The following CCDC27 variants were observed in gnomAD, a reference collection of about 807,000 sequenced individuals.
The protein encoded by CCDC27 is coiled-coil domain containing 27.
In CCDC27, 80 loss-of-function variants were observed where a neutral mutation model predicts 80.3. That is an observed-to-expected ratio of 1.00 (90% CI 0.83 to 1.20). CCDC27 has a LOEUF of 1.20. CCDC27 is among the 50% of genes most tolerant of loss of function. The probability of loss-of-function intolerance (pLI) is 0.00; values close to 1 mark genes in which losing one functional copy is unlikely to be tolerated. For synonymous variants in CCDC27, 342 were observed against 334.3 expected, an observed-to-expected ratio of 1.02 and a Z score of -0.25; for missense variants, 815 against 809.4, an observed-to-expected ratio of 1.01 and a Z score of -0.08.
intron 6 of CCDC27, 110 bp from the exon 7 acceptor site, chr1:3,762,998 G>A: frequency 7.6e-7 from 1 of 1,324,160 alleles, no homozygotes; most frequent in Non-Finnish European, 1.0e-6. Context: ...GGACCCTGCA[G>A]CAGCCTGGAA....
Position 3,769,674 on chromosome 1 carries a change from G to T in CCDC27, c.1744-109G>T. 1.3e-6 allele frequency: 1 copy of T among 751,042 alleles called. No individual in the cohort carries two copies. Among genetic ancestry groups the T allele is most frequent in the Non-Finnish European group, 2.4e-6 (1 of 412,474 alleles). 46.5% of individuals were successfully genotyped at this position (751,042 alleles called of 1,614,324 possible). On this transcript the variant is annotated intron_variant, in intron 10 of 11. Transcript: ENST00000294600. This position sits in a 1 kb window ranked among gnomAD's most constrained non-coding sequence, Gnocchi z 4.6. ...TTCTAAAGCCATGAAAAGTGAGGGT[G>T]AGCTGTTCCTTCCTGGTACATAAAA...
chr1:3,771,356 T>C (rs1297335721), intron 11 of CCDC27, 45 bp from the exon 12 acceptor site: 1 of 1,612,198 alleles, frequency 6.2e-7, no homozygotes, highest in Non-Finnish European at 8.5e-7. Flanking sequence ...AAGGCCAAGG[T>C]GAGGAACTGG....
At position 3,766,396 on chromosome 1, in the gene CCDC27, C is replaced by T; in HGVS notation, c.1453-139C>T. The T allele has an allele frequency of 3.3e-6, 2 of 601,584 alleles. No individual in the cohort carries two copies. The highest frequency in any genetic ancestry group is 1.9e-5 in the African/African-American group (1 of 53,416). The allele number at this position is 601,584 out of a possible 1,614,324, so 37.3% of individuals were successfully genotyped here. A position where few individuals can be genotyped will look rare whatever the true frequency, so the allele number is the denominator to read the frequency against. On this transcript the variant is annotated intron_variant, in intron 8 of 11. Coordinates refer to ENST00000294600, the MANE Select transcript of CCDC27 (RefSeq NM_152492.3). The surrounding 1 kb of genome is among the most constrained non-coding windows in gnomAD (Gnocchi z 6.1). Reference sequence around the variant, plus strand: ...AATATTTTTAGTCCTTTTTCTTCTTCTCTTCTCCCTGCCTTCAATAGAAAT... The same window carrying T: ...AATATTTTTAGTCCTTTTTCTTCTTTTCTTCTCCCTGCCTTCAATAGAAAT...
chr1:3,763,839 G>A lies in CCDC27; in HGVS notation c.1452+3G>A. On this transcript the variant is annotated splice_donor_region_variant and intron_variant, in intron 8 of 11. Transcript: ENST00000294600. The surrounding 1 kb of genome is among the most constrained non-coding windows in gnomAD (Gnocchi z 7.5). ...AGCTACAAGCCATGACCGACAAGGTGGCCGTGCGCTCAGTACCGGCCTCCG... is the reference window on the plus strand; with the variant it reads ...AGCTACAAGCCATGACCGACAAGGTAGCCGTGCGCTCAGTACCGGCCTCCG... 2 of 1,613,900 alleles carry A rather than the reference G, an allele frequency of 1.2e-6. No homozygotes were observed. Among genetic ancestry groups the A allele is most frequent in the Non-Finnish European group, 1.7e-6 (2 of 1,179,908 alleles).
At position 3,770,484 on chromosome 1, in the gene CCDC27, T is replaced by C. The variant is rs529313320; in HGVS notation, c.1848+597T>C. ...GAGCCATAGATGCCTCCCTCTGTGA[T>C]GGACAGCGCATGCTCACCTGCAAGG... On this transcript the variant is annotated intron_variant, in intron 11 of 11. Transcript: ENST00000294600. Among the ~76,000 whole-genome samples, 8 of 152,358 alleles carry C rather than the reference T, an allele frequency of 5.3e-5. No individual in the cohort carries two copies. In the East Asian group the frequency reaches 9.6e-4, roughly 18 times the overall value.
chr1:3,762,895 G>A, intron 6 of CCDC27, 183 bp downstream of exon 6: 1 of 786,436 alleles, frequency 1.3e-6, no homozygotes. Flanking sequence ...CAGGTCAGGT[G>A]CAGTCTACTG....
intron 6 of CCDC27, 166 bp from the exon 7 acceptor site, chr1:3,762,941 TG>T: frequency 1.1e-6 from 1 of 896,624 alleles, no homozygotes; most frequent in Non-Finnish European, 1.6e-6. Flanking sequence ...CCACAGTGCC[TG>T]GGCCACTGTT....
At chr1:3,764,133 T>C (rs1643170239) in intron 8 of CCDC27, among the ~76,000 whole-genome samples, 2 of 152,210 alleles carry the variant, frequency 1.3e-5, no homozygotes, top group Admixed American at 6.5e-5. Flanking sequence ...CTCAAGCATC[T>C]CCTGGCCCCT....
At position 3,761,263 on chromosome 1, in the gene CCDC27, C is replaced by T; in HGVS notation, c.712-18C>T. On this transcript the variant is annotated intron_variant, in intron 4 of 11. Transcript: ENST00000294600. This position sits in a 1 kb window ranked among gnomAD's most constrained non-coding sequence, Gnocchi z 5.0. ...TGGCTGCATGGCCCACGGGGGCTGC[C>T]CTTGGTTTTCTGCCCAGGATCACTG... is the stretch of plus-strand genomic sequence containing the variant. 1.9e-6 allele frequency: 3 copies of T among 1,612,318 alleles called. No individual in the cohort carries two copies. Among genetic ancestry groups the T allele is most frequent in the Non-Finnish European group, 2.5e-6 (3 of 1,179,032 alleles).
Position 3,771,451 on chromosome 1 carries a change from C to T in CCDC27, c.1899C>T (p.Gly633=), listed in dbSNP as rs935202852. The change falls in exon 12 of 12, where the codon GGC becomes GGT. Residue 633 remains glycine, a synonymous_variant. Coordinates refer to ENST00000294600, the MANE Select transcript of CCDC27 (RefSeq NM_152492.3). ...SDYYNQLKQK[G]VKVPPLQQSE... is the part of the protein sequence containing the mutation. The stretch of plus-strand genomic sequence containing the variant: ...ACTATAATCAGCTGAAGCAGAAAGG[C>T]GTCAAAGTGCCCCCCCTGCAACAGT... 3 of 1,613,916 alleles carry T rather than the reference C, an allele frequency of 1.9e-6. No individual in the cohort carries two copies. The highest frequency in any genetic ancestry group is 2.7e-5 in the African/African-American group (2 of 74,894).
rs773950223 is a variant in CCDC27 at position 3,752,655 on chromosome 1, G to C, written c.174G>C (p.Ser58=). ...KEASPSQRHS[S]MSSSMARALV... ...CCAGCCCATCTCAGAGGCACAGTTC[G>C]ATGTCCAGCTCGATGGCCAGGGCCC... Residue 58 remains serine, a synonymous_variant, in exon 1 of 12, where the codon TCG becomes TCC. Transcript: ENST00000294600. The C allele has an allele frequency of 6.2e-7, 1 of 1,614,080 alleles. No individual in the cohort carries two copies. The highest frequency in any genetic ancestry group is 1.1e-5 in the South Asian group (1 of 91,084).
intron 4 of CCDC27, among the ~76,000 whole-genome samples, chr1:3,757,368 G>T (rs1474156724): frequency 6.6e-6 from 1 of 151,986 alleles, no homozygotes; most frequent in Non-Finnish European, 1.5e-5. Context: ...TAAAATGAAA[G>T]AAAGAAAAGG....
rs1643164259 is a variant in CCDC27, at chr1:3,763,960, G to A, written c.1452+124G>A. The A allele has an allele frequency of 4.9e-6, 7 of 1,427,572 alleles. No homozygotes were observed. In the South Asian group the frequency reaches 7.2e-5, roughly 15 times the overall value. 88.4% of individuals were successfully genotyped at this position (1,427,572 alleles called of 1,614,324 possible). A position where few individuals can be genotyped will look rare whatever the true frequency, so the allele number is the denominator to read the frequency against. ...CTGATGGAGACTTTGAGCCTGGGGT[G>A]TCCAGGCAGCTGGCCCAGGGTTGTG... On this transcript the variant is annotated intron_variant, in intron 8 of 11. Coordinates refer to ENST00000294600, the MANE Select transcript of CCDC27 (RefSeq NM_152492.3). This position sits in a 1 kb window ranked among gnomAD's most constrained non-coding sequence, Gnocchi z 7.5.
rs1413327884 is a variant in CCDC27 at position 3,769,273 on chromosome 1, C to G, written c.1744-510C>G. ...CGAGAACGCCTTCTGGGTCTGTGCG[C>G]GGGGGCCAGGTTCAACGCTGCTGTC... On this transcript the variant is annotated intron_variant, in intron 10 of 11. Coordinates refer to ENST00000294600, the MANE Select transcript of CCDC27 (RefSeq NM_152492.3). This position sits in a 1 kb window ranked among gnomAD's most constrained non-coding sequence, Gnocchi z 4.6. Among the ~76,000 whole-genome samples the G allele has an allele frequency of 6.6e-6, 1 of 152,018 alleles. No homozygotes were observed. Among genetic ancestry groups the G allele is most frequent in the Non-Finnish European group, 1.5e-5 (1 of 67,984 alleles).
chr1:3,755,215 G>C (rs1262550899), intron 2 of CCDC27, among the ~76,000 whole-genome samples: 2 of 152,194 alleles, frequency 1.3e-5, no homozygotes, highest in South Asian at 2.1e-4. Flanking sequence ...GCCCCTCCGG[G>C]GGAAAGGGGG....
In CCDC27 at chr1:3,769,780, C is replaced by CAGCTCGAGAGGTG; in HGVS notation, c.1753_1754insGAGCTCGAGAGGT. 6.2e-7 allele frequency: 1 copy of CAGCTCGAGAGGTG among 1,612,472 alleles called. No homozygotes were observed. The highest frequency in any genetic ancestry group is 1.3e-5 in the African/African-American group (1 of 74,956). On this transcript the variant is annotated splice_region_variant and splice_polypyrimidine_tract_variant and intron_variant, in intron 10 of 11. Transcript: ENST00000294600. This position sits in a 1 kb window ranked among gnomAD's most constrained non-coding sequence, Gnocchi z 4.6. ...AATGATAGTGTTGTCCCTTTGCTCA[C>CAGCTCGAGAGGTG]AGCTCGAGAGGTTAAGGAATAAGAT...
In CCDC27 at chr1:3,755,442, T is replaced by C; in HGVS notation, c.443-15T>C. The stretch of plus-strand genomic sequence containing the variant: ...ACCGCAGCAGTCACCAGATGGCATC[T>C]TTAACACTCTACAGGTTCACCCACT... On this transcript the variant is annotated splice_polypyrimidine_tract_variant and intron_variant, in intron 2 of 11. Transcript: ENST00000294600. 1 of 1,611,252 alleles carries C rather than the reference T, an allele frequency of 6.2e-7. No homozygotes were observed. Among genetic ancestry groups the C allele is most frequent in the Non-Finnish European group, 8.5e-7 (1 of 1,177,442 alleles).
rs1394680366 is a variant in CCDC27, at chr1:3,760,858, AAG to A, written c.712-422_712-421del. 6.6e-6 allele frequency among the ~76,000 whole-genome samples: 1 copy of A among 152,116 alleles called. No homozygotes were observed. The highest frequency in any genetic ancestry group is 1.9e-4 in the East Asian group (1 of 5,194). ...GAGGGAGTTGAGATTCTGAGAACAA[AAG>A]TTTGAGGAGCTCCCCGACAGGCCCC... On this transcript the variant is annotated intron_variant, in intron 4 of 11. Coordinates refer to ENST00000294600, the MANE Select transcript of CCDC27 (RefSeq NM_152492.3). This position sits in a 1 kb window ranked among gnomAD's most constrained non-coding sequence, Gnocchi z 4.3.
At position 3,761,140 on chromosome 1, in the gene CCDC27, C is replaced by T. The variant is rs1643073903; in HGVS notation, c.712-141C>T. 3.3e-6 allele frequency: 3 copies of T among 900,730 alleles called. No individual in the cohort carries two copies. The highest frequency in any genetic ancestry group is 3.4e-5 in the South Asian group (2 of 58,972). 55.8% of individuals were successfully genotyped at this position (900,730 alleles called of 1,614,324 possible). Reference sequence around the variant, plus strand: ...GTAGTGCTAGCTCTTTACCGCAGTACCTATCTTGAAATCCCTGGGACCCTG... The same window carrying T: ...GTAGTGCTAGCTCTTTACCGCAGTATCTATCTTGAAATCCCTGGGACCCTG... On this transcript the variant is annotated intron_variant, in intron 4 of 11. Coordinates refer to ENST00000294600, the MANE Select transcript of CCDC27 (RefSeq NM_152492.3). This position sits in a 1 kb window ranked among gnomAD's most constrained non-coding sequence, Gnocchi z 5.0.
Sources: gnomAD v4.1 joint callset for allele counts (sites outside exome capture counted in the v4.1 genomes callset) on GRCh38, gnomAD v4.1.1 for gene constraint, Gnocchi (gnomAD v3.1) non-coding constraint, MANE v1.5 for transcripts, NCBI Gene and HGNC (gene_info 2026-07-23, HGNC 2026-07-21) for gene names.